Variants in COA7 observed in about 807,000 individuals in gnomAD.
COA7 encodes Sel1 repeat containing 1.
A neutral mutation model predicts 21.0 loss-of-function variants in COA7; 12 were observed. That is an observed-to-expected ratio of 0.57 (90% CI 0.37 to 0.92). COA7 has a LOEUF of 0.92. Among genes scored for constraint, COA7 ranks in the 40% least tolerant of loss-of-function variants. The pLI is 0.01. For synonymous variants in COA7, 95 were observed against 107.4 expected (o/e 0.88, Z 0.72); for missense variants, 240 against 286.1 (o/e 0.84, Z 1.16).
chr1:52,693,614 A>C (rs1341291407), intron 1 of COA7, among the ~76,000 whole-genome samples: 1 of 151,148 alleles, frequency 6.6e-6, no homozygotes, highest in Non-Finnish European at 1.5e-5. Context: ...TTAAAAAAAA[A>C]AAAAAAAAGA....
intron 1 of COA7, among the ~76,000 whole-genome samples, chr1:52,694,691 A>G (rs1644071709): frequency 6.6e-6 from 1 of 152,186 alleles, no homozygotes; most frequent in Non-Finnish European, 1.5e-5. Context: ...AGCACTAGCT[A>G]TTTAAAGACA....
chr1:52,690,887 A>T (rs1571717847), intron 2 of COA7, among the ~76,000 whole-genome samples: 1 of 151,956 alleles, frequency 6.6e-6, no homozygotes, highest in African/African-American at 2.4e-5. Context: ...AGGCGGGTGG[A>T]TCGTTTGAGG....
At chr1:52,688,249 T>A (rs976974197) in intron 2 of COA7, 81 bp from the exon 3 acceptor site, 7 of 1,224,164 alleles carry the variant, frequency 5.7e-6, no homozygotes, top group Non-Finnish European at 7.8e-6. Context: ...AGTGAATTTT[T>A]TTTTTTTTTT....
At chr1:52,688,207 AG>A in intron 2 of COA7, 39 bp from the exon 3 acceptor site, 1 of 1,545,008 alleles carries the variant, frequency 6.5e-7, no homozygotes, top group South Asian at 1.1e-5. Context: ...AACCCAAGCC[AG>A]GGCACAACCT....
At chr1:52,692,060 G>T (rs1408060977) in intron 2 of COA7, among the ~76,000 whole-genome samples, 1 of 152,150 alleles carries the variant, frequency 6.6e-6, no homozygotes, top group African/African-American at 2.4e-5. Flanking sequence ...ATAACAGCTG[G>T]TAAGGAACTA....
chr1:52,690,572 G>A (rs2149904190), intron 2 of COA7, among the ~76,000 whole-genome samples: 1 of 152,172 alleles, frequency 6.6e-6, no homozygotes, highest in South Asian at 2.1e-4. Context: ...AATATTTCTA[G>A]CCCATAGTGA....
chr1:52,684,500 A>C lies in COA7; in HGVS notation c.*3220T>G, dbSNP rs1643987740. On this transcript the variant is annotated 3_prime_UTR_variant, in exon 3 of 3. Transcript: ENST00000371538. Reference sequence around the variant, plus strand: ...TAGAGCAATTTTAGGTTTACAGCAAAATTGAGAGGGTACAGAGATTTCCCA... The same window carrying C: ...TAGAGCAATTTTAGGTTTACAGCAACATTGAGAGGGTACAGAGATTTCCCA... The C allele has an allele frequency of 6.6e-6, 1 of 152,316 alleles. No homozygotes were observed. Among genetic ancestry groups the C allele is most frequent in the African/African-American group, 2.4e-5 (1 of 41,566 alleles). The allele number at this position is 152,316 out of a possible 1,614,324, so 9.4% of individuals were successfully genotyped here.
Position 52,685,527 on chromosome 1 carries a change from A to C in COA7, c.*2193T>G, listed in dbSNP as rs1643994297. 1 of 151,834 alleles carries C rather than the reference A, an allele frequency of 6.6e-6. No homozygotes were observed. Among genetic ancestry groups the C allele is most frequent in the African/African-American group, 2.4e-5 (1 of 41,340 alleles). 9.4% of individuals were successfully genotyped at this position (151,834 alleles called of 1,614,324 possible). On this transcript the variant is annotated 3_prime_UTR_variant, in exon 3 of 3. Coordinates refer to ENST00000371538, the MANE Select transcript of COA7 (RefSeq NM_023077.3). ...ACATTTCCCTAATTAGTGATGTTGA[A>C]CATATTTTCATGTTTTTTGACCTAC... is the stretch of plus-strand genomic sequence containing the variant.
intron 2 of COA7, 114 bp from the exon 3 acceptor site, chr1:52,688,282 T>C: frequency 1.2e-6 from 1 of 829,210 alleles, no homozygotes; most frequent in Admixed American, 2.7e-5. Context: ...CTTGCTTTGT[T>C]AACCAGGCTG....
intron 2 of COA7, 73 bp from the exon 3 acceptor site, chr1:52,688,241 T>G: frequency 1.6e-6 from 2 of 1,279,260 alleles, no homozygotes; most frequent in South Asian, 1.5e-5. Context: ...CCAAAGTCAG[T>G]GAATTTTTTT....
Position 52,687,070 on chromosome 1 carries a change from T to G in COA7, c.*650A>C, listed in dbSNP as rs1644011277. 1 of 152,524 alleles carries G rather than the reference T, an allele frequency of 6.6e-6. No individual in the cohort carries two copies. The highest frequency in any genetic ancestry group is 2.1e-4 in the South Asian group (1 of 4,838). 9.4% of individuals were successfully genotyped at this position (152,524 alleles called of 1,614,324 possible). Reference sequence around the variant, plus strand: ...GATGTTTCATCTTCTTCAGCAACCCTGAAGCATAACAGCCTTTAAGCTGTA... The same window carrying G: ...GATGTTTCATCTTCTTCAGCAACCCGGAAGCATAACAGCCTTTAAGCTGTA... On this transcript the variant is annotated 3_prime_UTR_variant, in exon 3 of 3. Transcript: ENST00000371538.
intron 1 of COA7, among the ~76,000 whole-genome samples, chr1:52,694,745 AAAAAAT>A (rs1350523405): frequency 1.8e-5 from 1 of 55,496 alleles, no homozygotes; most frequent in Non-Finnish European, 5.7e-5. Flanking sequence ...ATTTAAAAAT[AAAAAAT>A]AAAAAATGAA....
At chr1:52,696,862 C>G (rs1021623918) in intron 1 of COA7, among the ~76,000 whole-genome samples, 2 of 151,086 alleles carry the variant, frequency 1.3e-5, no homozygotes, top group African/African-American at 4.9e-5. Context: ...GTAATCCCAG[C>G]ACTTTGGGAG....
intron 1 of COA7, among the ~76,000 whole-genome samples, chr1:52,693,388 G>A (rs1013787805): frequency 6.6e-6 from 1 of 151,832 alleles, no homozygotes; most frequent in Non-Finnish European, 1.5e-5. Flanking sequence ...GACCAGCCTG[G>A]ACAGGGTAAA....
At chr1:52,697,413 C>T (rs1644091874) in intron 1 of COA7, among the ~76,000 whole-genome samples, 1 of 152,144 alleles carries the variant, frequency 6.6e-6, no homozygotes, top group Admixed American at 6.5e-5. Context: ...CCAGCTGTTA[C>T]CTATGGTAAG....
chr1:52,689,896 A>G (rs1644031834), intron 2 of COA7, among the ~76,000 whole-genome samples: 1 of 152,054 alleles, frequency 6.6e-6, no homozygotes, highest in African/African-American at 2.4e-5. Flanking sequence ...GCATGGTGGC[A>G]GGGGCCTGTA....
chr1:52,692,648 C>A, intron 2 of COA7, 79 bp downstream of exon 2: 1 of 1,541,618 alleles, frequency 6.5e-7, no homozygotes, highest in Non-Finnish European at 8.9e-7. Context: ...GACCCTTCTG[C>A]AAGAGCTTAT....
At position 52,695,844 on chromosome 1, in the gene COA7, G is replaced by A. The variant is rs544232400; in HGVS notation, c.106+2377C>T. On this transcript the variant is annotated intron_variant, in intron 1 of 2. Transcript: ENST00000371538. ...GTAAAGTGCTGCAGCCAGTCCTTTTGATATATCCACCCTTCCCAATTCCAA... is the reference window on the plus strand; with the variant it reads ...GTAAAGTGCTGCAGCCAGTCCTTTTAATATATCCACCCTTCCCAATTCCAA... Among the ~76,000 whole-genome samples, 15 of 152,202 alleles carry A rather than the reference G, an allele frequency of 9.9e-5. No homozygotes were observed. In the South Asian group the frequency reaches 3.1e-3, roughly 32 times the overall value.
At chr1:52,696,848 A>G (rs1176234515) in intron 1 of COA7, among the ~76,000 whole-genome samples, 2 of 150,912 alleles carry the variant, frequency 1.3e-5, no homozygotes, top group African/African-American at 4.9e-5. Flanking sequence ...GGTGGCTCAC[A>G]CCTGTAATCC....
Sources: allele counts gnomAD v4.1 joint callset (sites outside exome capture counted in the v4.1 genomes callset), GRCh38; gene constraint gnomAD v4.1.1; transcripts MANE v1.5; gene names NCBI Gene and HGNC (gene_info 2026-07-23, HGNC 2026-07-21).